Variants in SORCS2 observed in about 807,000 individuals in gnomAD.
SORCS2 encodes VPS10 domain-containing receptor SorCS2.
A neutral mutation model predicts 141.6 loss-of-function variants in SORCS2; 100 were observed. The observed-to-expected ratio is 0.71, with a 90% confidence interval of 0.60 to 0.83. The LOEUF (loss-of-function observed/expected upper bound fraction) is 0.83, where lower values mean the gene tolerates loss of function less well. SORCS2 is among the 40% of genes least tolerant of loss of function. The pLI, the probability that SORCS2 is intolerant of heterozygous loss-of-function variation, is 0.00. For synonymous variants in SORCS2, 789 were observed against 676.9 expected (o/e 1.17, Z -2.57); for missense variants, 1,646 against 1,560.2 (o/e 1.05, Z -0.93).
Position 7,740,535 on chromosome 4 carries a change from A to C in SORCS2, c.*271A>C. On this transcript the variant is annotated 3_prime_UTR_variant, in exon 27 of 27. Coordinates refer to ENST00000507866, the MANE Select transcript of SORCS2 (RefSeq NM_020777.3). ...AGGTTCTGCCCCCCAGACCCCACAC[A>C]CGGCCGCCCCACGTGCTGTCGCTCA... 1 of 496,028 alleles carries C rather than the reference A, an allele frequency of 2.0e-6. No homozygotes were observed. The highest frequency in any genetic ancestry group is 2.4e-5 in the South Asian group (1 of 42,258). 30.7% of individuals were successfully genotyped at this position (496,028 alleles called of 1,614,324 possible).
chr4:7,224,647 C>G (rs879490871), intron 1 of SORCS2, among the ~76,000 whole-genome samples: 4 of 152,240 alleles, frequency 2.6e-5, no homozygotes, highest in Admixed American at 6.5e-5. Context: ...AGAACTCCAT[C>G]CCCGTGACCT....
chr4:7,383,558 A>T (rs1723118852), intron 1 of SORCS2, among the ~76,000 whole-genome samples: 1 of 152,186 alleles, frequency 6.6e-6, no homozygotes, highest in Non-Finnish European at 1.5e-5. Flanking sequence ...TGCTTTAAAA[A>T]CAGGATCAGC....
In SORCS2 at chr4:7,740,235, C is replaced by T. The variant is rs200114314; in HGVS notation, c.3451C>T (p.Arg1151Ter). 87 of 1,609,928 alleles carry T rather than the reference C, an allele frequency of 5.4e-5. No homozygotes were observed. The African/African-American group carries it at 7.2e-4, about 13-fold the overall frequency. ...HSGVVLSINS[R>*]EMHSYLVS ...AGGCGTGGTCCTGAGCATCAACTCC[C>T]GAGAGATGCACAGCTACCTGGTGAG... The change falls in exon 27 of 27, where the codon CGA becomes TGA. Residue 1151 changes from arginine to a stop codon, truncating the protein, a stop_gained. Coordinates refer to ENST00000507866, the MANE Select transcript of SORCS2 (RefSeq NM_020777.3). LOFTEE classifies it high-confidence loss of function.
At chr4:7,554,452 T>C (rs1713956257) in intron 3 of SORCS2, among the ~76,000 whole-genome samples, 1 of 152,168 alleles carries the variant, frequency 6.6e-6, no homozygotes, top group African/African-American at 2.4e-5. Context: ...GTGCTGACAC[T>C]CATTGGCCCT....
intron 1 of SORCS2, among the ~76,000 whole-genome samples, chr4:7,266,387 C>T (rs1262116333): frequency 2.0e-5 from 3 of 152,196 alleles, no homozygotes; most frequent in African/African-American, 4.8e-5. Flanking sequence ...GGCTGAAGCG[C>T]CCCTCATTTC....
chr4:7,461,280 C>A (rs754940775), intron 2 of SORCS2, among the ~76,000 whole-genome samples: 2 of 152,250 alleles, frequency 1.3e-5, no homozygotes, highest in African/African-American at 4.8e-5. Flanking sequence ...GCTGTGGGGG[C>A]GTCTGCAGCC....
intron 2 of SORCS2, among the ~76,000 whole-genome samples, chr4:7,419,063 A>G (rs1725878592): frequency 6.6e-6 from 1 of 152,230 alleles, no homozygotes; most frequent in Non-Finnish European, 1.5e-5. Context: ...CATTGGCCAA[A>G]GCAAATCACA....
intron 19 of SORCS2, among the ~76,000 whole-genome samples, chr4:7,724,123 G>GGTA (rs1560112849): frequency 2.9e-5 from 4 of 139,728 alleles, no homozygotes; most frequent in Non-Finnish European, 6.0e-5. Context: ...TGATGGTGGT[G>GGTA]GTGGTGGTGG....
intron 2 of SORCS2, among the ~76,000 whole-genome samples, chr4:7,461,700 C>T (rs960829726): frequency 1.3e-4 from 20 of 152,356 alleles, no homozygotes; most frequent in African/African-American, 4.6e-4. Context: ...CCACGGTCTG[C>T]AGCCATCCTC....
chr4:7,579,688 T>C (rs1385459203), intron 3 of SORCS2, among the ~76,000 whole-genome samples: 1 of 152,182 alleles, frequency 6.6e-6, no homozygotes, highest in East Asian at 1.9e-4. Context: ...GGGTGCTTGT[T>C]CTGCTCTGGG....
chr4:7,313,380 C>A (rs1314696981), intron 1 of SORCS2, among the ~76,000 whole-genome samples: 1 of 152,184 alleles, frequency 6.6e-6, no homozygotes, highest in African/African-American at 2.4e-5. Flanking sequence ...CCCTCACCGT[C>A]TGGGGGAAGA....
intron 1 of SORCS2, among the ~76,000 whole-genome samples, chr4:7,338,421 A>AGGATGGAT (rs71173495): frequency 0.024 from 3,522 of 148,652 alleles, 64 homozygotes; most frequent in Middle Eastern, 0.041. Context: ...GTTGGATGGA[A>AGGATGGAT]GGATGGATGG....
intron 3 of SORCS2, among the ~76,000 whole-genome samples, chr4:7,630,216 C>T (rs547614227): frequency 9.9e-5 from 15 of 152,176 alleles, no homozygotes; most frequent in Non-Finnish European, 1.3e-4. Context: ...GCTCAGGATG[C>T]GTGGGAGCCA....
chr4:7,631,684 C>T (rs576156680), intron 3 of SORCS2, among the ~76,000 whole-genome samples: 5 of 152,234 alleles, frequency 3.3e-5, no homozygotes, highest in East Asian at 1.9e-4. Flanking sequence ...GCTCCTATCC[C>T]GGGGGGTCCA....
chr4:7,413,698 A>G (rs542929996), intron 2 of SORCS2, among the ~76,000 whole-genome samples: 4 of 152,192 alleles, frequency 2.6e-5, no homozygotes, highest in Admixed American at 6.5e-5. Flanking sequence ...CACAACTGCT[A>G]TTTTTTAATG....
At chr4:7,468,605 T>TGC (rs1560309752) in intron 2 of SORCS2, among the ~76,000 whole-genome samples, 2 of 151,894 alleles carry the variant, frequency 1.3e-5, no homozygotes, top group African/African-American at 4.8e-5. Context: ...TGAATAAGCG[T>TGC]TCTTGTGCTT....
At chr4:7,256,153 C>A (rs1399071279) in intron 1 of SORCS2, among the ~76,000 whole-genome samples, 1 of 152,144 alleles carries the variant, frequency 6.6e-6, no homozygotes, top group East Asian at 1.9e-4. Flanking sequence ...GTGTCTGGGG[C>A]AAGTGTCCTG....
chr4:7,664,660 C>A lies in SORCS2; in HGVS notation c.1071+189C>A, dbSNP rs1722393757. 6.6e-6 allele frequency among the ~76,000 whole-genome samples: 1 copy of A among 152,192 alleles called. No homozygotes were observed. Among genetic ancestry groups the A allele is most frequent in the Non-Finnish European group, 1.5e-5 (1 of 68,034 alleles). ...GCCATCCACAGAAGCCCTCGCAAGC[C>A]CAGAACTGTGGCTCAGGGACACTGA... On this transcript the variant is annotated intron_variant, in intron 7 of 26. Transcript: ENST00000507866. The surrounding 1 kb of genome is among the most constrained non-coding windows in gnomAD (Gnocchi z 4.7).
At chr4:7,531,456 C>T (rs1194365650) in intron 2 of SORCS2, 74 bp from the exon 3 acceptor site, 10 of 1,422,876 alleles carry the variant, frequency 7.0e-6, no homozygotes, top group Admixed American at 5.5e-5. Context: ...AGGGCAGGGG[C>T]TGGACACCGT....
Sources: allele counts gnomAD v4.1 joint callset (sites outside exome capture counted in the v4.1 genomes callset), GRCh38; gene constraint gnomAD v4.1.1; non-coding constraint Gnocchi (gnomAD v3.1); transcripts MANE v1.5; gene names NCBI Gene and HGNC (gene_info 2026-07-23, HGNC 2026-07-21).